A4GNT: variants seen among roughly 807,000 people sequenced by gnomAD.
A4GNT encodes alpha-1,4-N-acetylglucosaminyltransferase.
In A4GNT, 6 loss-of-function variants were observed where a neutral mutation model predicts 8.3. That is an observed-to-expected ratio of 0.72 (90% CI 0.39 to 1.42). The LOEUF (loss-of-function observed/expected upper bound fraction) is 1.42. Among genes scored for constraint, A4GNT ranks in the 40% most tolerant of loss-of-function variants. The pLI, the probability that A4GNT is intolerant of heterozygous loss-of-function variation, is 0.02. For synonymous variants in A4GNT, 157 were observed against 159.8 expected (o/e 0.98, Z 0.13); for missense variants, 377 against 417.0 (o/e 0.90, Z 0.84).
chr3:138,125,911 G>A (rs2042742519), intron 2 of A4GNT, among the ~76,000 whole-genome samples: 1 of 152,136 alleles, frequency 6.6e-6, no homozygotes, highest in Non-Finnish European at 1.5e-5. Flanking sequence ...GAGTGGGGTA[G>A]GCAATGAGAT....
chr3:138,126,652 C>T (rs1373177737), intron 2 of A4GNT, among the ~76,000 whole-genome samples: 2 of 145,434 alleles, frequency 1.4e-5, no homozygotes, highest in African/African-American at 5.1e-5. Context: ...GTGATGAAGC[C>T]CCGTCTCCAC....
At chr3:138,130,770 C>T in intron 2 of A4GNT, 79 bp downstream of exon 2, 6 of 1,496,042 alleles carry the variant, frequency 4.0e-6, no homozygotes, top group Non-Finnish European at 5.4e-6. Context: ...GTTCTATTCC[C>T]ATCTCCGACC....
In A4GNT at chr3:138,131,066, G is replaced by A. The variant is rs368615711; in HGVS notation, c.191C>T (p.Pro64Leu). 1.1e-4 allele frequency: 184 copies of A among 1,613,662 alleles called. No homozygotes were observed. The highest frequency in any genetic ancestry group is 1.5e-4 in the Non-Finnish European group (176 of 1,179,770). ...FLETSERMEP[P>L]HLVSCSVESA... ...CTCTACGGAACAGGAGACCAAATGG[G>A]GTGGCTCCATTCTCTCTGAGGTCTC... Residue 64 changes from proline to leucine, a missense_variant, in exon 2 of 3, where the codon CCC (proline) becomes CTC (leucine). Physicochemically the swap from Pro to Leu is moderately conservative, Grantham distance 98. Transcript: ENST00000236709.
chr3:138,133,033 GC>G (rs1188792288), upstream of A4GNT, among the ~76,000 whole-genome samples: 2 of 152,104 alleles, frequency 1.3e-5, no homozygotes, highest in Non-Finnish European at 2.9e-5. Context: ...ATTCTCCACC[GC>G]CCCTGAAATG....
In A4GNT at chr3:138,124,477, G is replaced by T. The variant is rs1393177141; in HGVS notation, c.810C>A (p.Arg270=). The T allele has an allele frequency of 1.2e-6, 2 of 1,614,214 alleles. No individual in the cohort carries two copies. Among genetic ancestry groups the T allele is most frequent in the East Asian group, 4.5e-5 (2 of 44,880 alleles). The change falls in exon 3 of 3, where the codon CGC becomes CGA. Residue 270 remains arginine, a synonymous_variant. Transcript: ENST00000236709. ...FYPISYREWR[R]YYEVWDTEPS... is the part of the protein sequence containing the mutation. ...GCTCTGTATCCCACACTTCATAGTA[G>T]CGCCTCCACTCTCGATAGGAGATGG...
In A4GNT at chr3:138,124,682, G is replaced by C. The variant is rs137971144; in HGVS notation, c.605C>G (p.Pro202Arg). ...NGIFGFLPHHPFLWECMENFV... is the reference protein window; with the variant it reads ...NGIFGFLPHHRFLWECMENFV... ...GTTTTCCATGCATTCCCACAAAAAG[G>C]GGTGGTGGGGGAGGAACCCAAATAT... Residue 202 changes from proline to arginine, a missense_variant, in exon 3 of 3, where the codon CCC becomes CGC. Physicochemically the swap from Pro to Arg is moderately radical, Grantham distance 103 (BLOSUM62 -2). Coordinates refer to ENST00000236709, the MANE Select transcript of A4GNT (RefSeq NM_016161.3). The C allele has an allele frequency of 6.2e-7, 1 of 1,614,240 alleles. No individual in the cohort carries two copies. Among genetic ancestry groups the C allele is most frequent in the Non-Finnish European group, 8.5e-7 (1 of 1,180,050 alleles).
chr3:138,131,364 C>A (rs965312836), intron 1 of A4GNT, 82 bp from the exon 2 acceptor site: 5 of 1,091,492 alleles, frequency 4.6e-6, no homozygotes, highest in Non-Finnish European at 4.9e-6. Flanking sequence ...ACATGAATAT[C>A]ATTTAAAAAC....
In A4GNT at chr3:138,123,960, C is replaced by T. The variant is rs564909534; in HGVS notation, c.*304G>A. 1.6e-4 allele frequency: 50 copies of T among 321,272 alleles called. No individual in the cohort carries two copies. Among genetic ancestry groups the T allele is most frequent in the South Asian group, 5.5e-4 (13 of 23,788 alleles). The allele number at this position is 321,272 out of a possible 1,614,324, so 19.9% of individuals were successfully genotyped here. On this transcript the variant is annotated 3_prime_UTR_variant, in exon 3 of 3. Transcript: ENST00000236709. Reference sequence around the variant, plus strand: ...GTGCAATGTAAGAGAAAGTGTTATACGGTACTTGCAGGAAGTCTTCACAAA... The same window carrying T: ...GTGCAATGTAAGAGAAAGTGTTATATGGTACTTGCAGGAAGTCTTCACAAA...
chr3:138,131,059 C>T lies in A4GNT; in HGVS notation c.198G>A (p.Leu66=). Residue 66 remains leucine (L), a synonymous_variant, in exon 2 of 3, where the codon TTG becomes TTA. Coordinates refer to ENST00000236709, the MANE Select transcript of A4GNT (RefSeq NM_016161.3). ...CAGCAGACTCTACGGAACAGGAGAC[C>T]AAATGGGGTGGCTCCATTCTCTCTG... ...ETSERMEPPH[L]VSCSVESAAK... 6.2e-7 allele frequency: 1 copy of T among 1,613,844 alleles called. No individual in the cohort carries two copies. The highest frequency in any genetic ancestry group is 1.1e-5 in the South Asian group (1 of 91,060).
At chr3:138,129,375 G>A (rs1316642962) in intron 2 of A4GNT, among the ~76,000 whole-genome samples, 1 of 152,158 alleles carries the variant, frequency 6.6e-6, no homozygotes, top group Non-Finnish European at 1.5e-5. Flanking sequence ...CAGAGGAAAA[G>A]AGATTTGAAG....
intron 2 of A4GNT, among the ~76,000 whole-genome samples, chr3:138,130,202 A>G (rs2042768042): frequency 6.6e-6 from 1 of 152,094 alleles, no homozygotes; most frequent in Non-Finnish European, 1.5e-5. Context: ...TAGTCTTCAT[A>G]GGATGTCAGT....
chr3:138,130,830 A>G lies in A4GNT; in HGVS notation c.408+19T>C. On this transcript the variant is annotated intron_variant, in intron 2 of 2. Transcript: ENST00000236709. The stretch of plus-strand genomic sequence containing the variant: ...ATATATACAATTCGTTGACATTTTA[A>G]GTTTCCCTAAACACTTACTTGATTG... 1 of 1,608,572 alleles carries G rather than the reference A, an allele frequency of 6.2e-7. No individual in the cohort carries two copies.
At chr3:138,131,373 A>C (rs2042776391) in intron 1 of A4GNT, 91 bp from the exon 2 acceptor site, 4 of 1,070,214 alleles carry the variant, frequency 3.7e-6, no homozygotes, top group Non-Finnish European at 5.0e-6. Flanking sequence ...TCATTTAAAA[A>C]CTTAAATTTT....
intron 2 of A4GNT, among the ~76,000 whole-genome samples, chr3:138,129,107 G>T (rs900824644): frequency 6.6e-6 from 1 of 152,024 alleles, no homozygotes; most frequent in African/African-American, 2.4e-5. Context: ...ACAGCAACTA[G>T]GTACAAGCAT....
In A4GNT at chr3:138,124,045, G is replaced by A; in HGVS notation, c.*219C>T. ...CTACTGCCTGAAATGCAAACATGGT[G>A]GGTTGGAGGTCAAGCAGTCAAATGG... On this transcript the variant is annotated 3_prime_UTR_variant, in exon 3 of 3. Coordinates refer to ENST00000236709, the MANE Select transcript of A4GNT (RefSeq NM_016161.3). 1.8e-6 allele frequency: 1 copy of A among 548,314 alleles called. No homozygotes were observed. The highest frequency in any genetic ancestry group is 3.1e-6 in the Non-Finnish European group (1 of 323,486). The allele number at this position is 548,314 out of a possible 1,614,324, so 34.0% of individuals were successfully genotyped here.
intron 2 of A4GNT, among the ~76,000 whole-genome samples, chr3:138,127,890 T>G (rs748018842): frequency 2.6e-5 from 4 of 152,250 alleles, no homozygotes; most frequent in Non-Finnish European, 5.9e-5. Context: ...TACAGCCTAC[T>G]GTAGTATTCT....
At chr3:138,130,787 C>A (rs530603364) in intron 2 of A4GNT, 62 bp downstream of exon 2, 6 of 1,552,968 alleles carry the variant, frequency 3.9e-6, no homozygotes, top group Non-Finnish European at 5.2e-6. Context: ...GACCTGAGTC[C>A]TTACCCTCAG....
intron 2 of A4GNT, among the ~76,000 whole-genome samples, chr3:138,129,817 CAG>C (rs1290677351): frequency 6.6e-6 from 1 of 152,166 alleles, no homozygotes; most frequent in African/African-American, 2.4e-5. Flanking sequence ...TTGTTTGAGA[CAG>C]AGTCTCGCTA....
Position 138,124,086 on chromosome 3 carries a change from T to C in A4GNT, c.*178A>G. The C allele has an allele frequency of 4.9e-6, 4 of 809,136 alleles. No homozygotes were observed. The highest frequency in any genetic ancestry group is 1.9e-5 in the South Asian group (1 of 51,526). 50.1% of individuals were successfully genotyped at this position (809,136 alleles called of 1,614,324 possible). Reference sequence around the variant, plus strand: ...AGTCAAATGGACCATGGGTGTATGTTTTATAGCCAGTATCATTTGGGATTT... The same window carrying C: ...AGTCAAATGGACCATGGGTGTATGTCTTATAGCCAGTATCATTTGGGATTT... On this transcript the variant is annotated 3_prime_UTR_variant, in exon 3 of 3. Transcript: ENST00000236709.
Sources: allele counts gnomAD v4.1 joint callset (sites outside exome capture counted in the v4.1 genomes callset), GRCh38; gene constraint gnomAD v4.1.1; transcripts MANE v1.5; gene names NCBI Gene and HGNC (gene_info 2026-07-23, HGNC 2026-07-21).